The following ADCY9 variants were observed in gnomAD, a reference collection of about 807,000 sequenced individuals.
ADCY9 encodes the protein adenylate cyclase 9, also known as adenylate cyclase type 9.
Under a neutral mutation model 101.5 loss-of-function variants are expected in ADCY9, and 50 were observed. The ratio of observed to expected loss-of-function variants is 0.49; its 90% CI spans 0.39 to 0.62. ADCY9 has a LOEUF of 0.62. Ranked by LOEUF, ADCY9 falls within the 20% of genes least tolerant of loss-of-function variation. The pLI, the probability that ADCY9 is intolerant of heterozygous loss-of-function variation, is 0.00. For synonymous variants in ADCY9, 905 were observed against 769.3 expected, an observed-to-expected ratio of 1.18 and a Z score of -2.92; for missense variants, 1,662 against 1,800.4, an observed-to-expected ratio of 0.92 and a Z score of 1.39.
chr16:4,073,795 A>C (rs1328282929), intron 2 of ADCY9, among the ~76,000 whole-genome samples: 1 of 152,196 alleles, frequency 6.6e-6, no homozygotes, highest in Non-Finnish European at 1.5e-5. Flanking sequence ...AAAAATGTTA[A>C]AGGAAGTTTT....
At chr16:3,959,585 C>T (rs995612267), downstream of ADCY9, among the ~76,000 whole-genome samples, 2 of 152,058 alleles carry the variant, frequency 1.3e-5, no homozygotes, top group African/African-American at 4.8e-5. Context: ...ACACAGTAGT[C>T]GCTTGACAAA....
In ADCY9 at chr16:3,983,226, G is replaced by A. The variant is rs576356475; in HGVS notation, c.2519+6C>T. The stretch of plus-strand genomic sequence containing the variant: ...GAGCTGGAGACCCAGTCCACGCGGC[G>A]CTTACCTGATGGACACCGCGAGGGA... On this transcript the variant is annotated splice_donor_region_variant and intron_variant, in intron 7 of 10. Coordinates refer to ENST00000294016, the MANE Select transcript of ADCY9 (RefSeq NM_001116.4). 2.5e-5 allele frequency: 39 copies of A among 1,548,078 alleles called. No individual in the cohort carries two copies. The highest frequency in any genetic ancestry group is 1.3e-4 in the South Asian group (11 of 83,912).
rs1300923031 is a variant in ADCY9, at chr16:3,962,856, A to T, written c.*2919T>A. 6.6e-6 allele frequency: 1 copy of T among 152,426 alleles called. No individual in the cohort carries two copies. The highest frequency in any genetic ancestry group is 1.5e-5 in the Non-Finnish European group (1 of 68,024). 9.4% of individuals were successfully genotyped at this position (152,426 alleles called of 1,614,324 possible). On this transcript the variant is annotated 3_prime_UTR_variant, in exon 11 of 11. Transcript: ENST00000294016. ...AAACTCCTTACCTCGAAAATCTAGA[A>T]ATTCAAATGCAGACGTGTCTTTGGA... is the stretch of plus-strand genomic sequence containing the variant.
chr16:4,020,259 G>C (rs560599990), intron 2 of ADCY9, among the ~76,000 whole-genome samples: 6 of 152,278 alleles, frequency 3.9e-5, no homozygotes, highest in African/African-American at 1.2e-4. Context: ...ATTTTAAACA[G>C]CTACATGAGG....
intron 2 of ADCY9, among the ~76,000 whole-genome samples, chr16:4,052,745 G>A (rs2056709984): frequency 6.6e-6 from 1 of 152,142 alleles, no homozygotes; most frequent in Admixed American, 6.6e-5. Flanking sequence ...AGTAGCCCTA[G>A]GAAATAAATA....
intron 3 of ADCY9, among the ~76,000 whole-genome samples, chr16:4,004,135 C>T (rs1307446773): frequency 6.6e-6 from 1 of 151,422 alleles, no homozygotes; most frequent in Non-Finnish European, 1.5e-5. Flanking sequence ...GTGGTCCTAG[C>T]TACTCAGCAG....
chr16:4,081,924 T>C (rs2056906123), intron 2 of ADCY9, among the ~76,000 whole-genome samples: 2 of 151,682 alleles, frequency 1.3e-5, no homozygotes, highest in African/African-American at 4.8e-5. Flanking sequence ...GGCACTGCCT[T>C]GTGAGGTCAC....
At chr16:3,972,553 G>A (rs1420335363) in intron 10 of ADCY9, among the ~76,000 whole-genome samples, 1 of 152,116 alleles carries the variant, frequency 6.6e-6, no homozygotes, top group East Asian at 1.9e-4. Flanking sequence ...CATTTCATGT[G>A]ACTAAATGCA....
At chr16:4,108,791 C>T (rs1251232023) in intron 2 of ADCY9, among the ~76,000 whole-genome samples, 1 of 150,674 alleles carries the variant, frequency 6.6e-6, no homozygotes, top group Non-Finnish European at 1.5e-5. Context: ...CTGCAACCTC[C>T]GTCTCCCAGG....
rs139406430 is a variant in ADCY9, at chr16:4,074,956, G to A, written c.1693+38794C>T. On this transcript the variant is annotated intron_variant, in intron 2 of 10. Transcript: ENST00000294016. ...TTTGAGAGGCTGAGGCAGGAGGATC[G>A]CTTGAGCCCAGGAGTTCAAGGCCAG... 1.7e-3 allele frequency among the ~76,000 whole-genome samples: 259 copies of A among 152,000 alleles called. No homozygotes were observed. The Middle Eastern group carries it at 0.02, about 12-fold the overall frequency.
chr16:4,049,162 G>C (rs1223479286), intron 2 of ADCY9, among the ~76,000 whole-genome samples: 1 of 152,210 alleles, frequency 6.6e-6, no homozygotes, highest in Non-Finnish European at 1.5e-5. Flanking sequence ...AGCTCACCCA[G>C]AAGAGGAGGT....
intron 3 of ADCY9, among the ~76,000 whole-genome samples, chr16:4,001,247 C>G (rs1008047596): frequency 6.6e-6 from 1 of 152,158 alleles, no homozygotes; most frequent in Admixed American, 6.5e-5. Context: ...AGCCCTCATG[C>G]CCCCTGCTCA....
intron 3 of ADCY9, 85 bp downstream of exon 3, chr16:4,007,283 T>C: frequency 7.9e-7 from 1 of 1,261,418 alleles, no homozygotes; most frequent in Non-Finnish European, 1.1e-6. Flanking sequence ...GCCTCAGACC[T>C]GGAGGCTGCT....
chr16:4,012,229 T>C (rs1348258239), intron 2 of ADCY9, among the ~76,000 whole-genome samples: 2 of 152,114 alleles, frequency 1.3e-5, no homozygotes, highest in East Asian at 1.9e-4. Context: ...TGCTTCAATA[T>C]GGAAAGCTAA....
intron 2 of ADCY9, among the ~76,000 whole-genome samples, chr16:4,083,848 C>A (rs553838239): frequency 1.3e-5 from 2 of 152,190 alleles, no homozygotes; most frequent in South Asian, 4.1e-4. Context: ...CTGCCAGGGG[C>A]TGGGAGCACT....
At chr16:4,041,913 A>C (rs1597185837) in intron 2 of ADCY9, among the ~76,000 whole-genome samples, 1 of 133,774 alleles carries the variant, frequency 7.5e-6, no homozygotes, top group African/African-American at 2.8e-5. Context: ...CACTGCCCCC[A>C]GCTAAGTTTT....
At chr16:3,982,240 C>A (rs1021311101) in intron 7 of ADCY9, 1 of 152,414 alleles carries the variant, frequency 6.6e-6, no homozygotes, top group Non-Finnish European at 1.5e-5. Context: ...GCCTGCCCAC[C>A]CCAGATGGGA....
At position 3,992,633 on chromosome 16, in the gene ADCY9, T is replaced by C. The variant is rs961041900; in HGVS notation, c.1990-270A>G. ...CCAGGACATTGAGACATGGGAAGAG[T>C]CGGTGCGGAGGTGGAGGGGAAGGGA... On this transcript the variant is annotated intron_variant, in intron 4 of 10. Coordinates refer to ENST00000294016, the MANE Select transcript of ADCY9 (RefSeq NM_001116.4). The surrounding 1 kb of genome is among the most constrained non-coding windows in gnomAD (Gnocchi z 4.2). 6.6e-6 allele frequency among the ~76,000 whole-genome samples: 1 copy of C among 150,942 alleles called. No individual in the cohort carries two copies. The highest frequency in any genetic ancestry group is 1.5e-5 in the Non-Finnish European group (1 of 67,762).
intron 9 of ADCY9, 51 bp from the exon 10 acceptor site, chr16:3,974,761 C>T (rs1303781012): frequency 3.4e-6 from 5 of 1,464,776 alleles, no homozygotes; most frequent in African/African-American, 1.4e-5. Flanking sequence ...AGAAGGCATT[C>T]CACAAGGCAA....
Sources: allele counts gnomAD v4.1 joint callset (sites outside exome capture counted in the v4.1 genomes callset), GRCh38; gene constraint gnomAD v4.1.1; non-coding constraint Gnocchi (gnomAD v3.1); transcripts MANE v1.5; gene names NCBI Gene and HGNC (gene_info 2026-07-23, HGNC 2026-07-21).